RNF150: variants seen among roughly 807,000 people sequenced by gnomAD.
RNF150 encodes the protein ring finger protein 150.
RNF150 carries 24 observed loss-of-function variants against 39.3 expected under a neutral mutation model. That is an observed-to-expected ratio of 0.61 (90% CI 0.44 to 0.86). The LOEUF is 0.86. Ranked by LOEUF, RNF150 falls within the 40% of genes least tolerant of loss-of-function variation. RNF150 has a pLI of 0.00. For synonymous variants in RNF150, 255 were observed against 227.3 expected (o/e 1.12, Z -1.10); for missense variants, 502 against 587.8 (o/e 0.85, Z 1.51).
intron 1 of RNF150, among the ~76,000 whole-genome samples, chr4:141,019,373 T>C (rs973680929): frequency 1.1e-4 from 17 of 152,060 alleles, no homozygotes; most frequent in African/African-American, 3.6e-4. Flanking sequence ...TTTTTCCAGG[T>C]ATGAAAAAAT....
chr4:141,128,497 C>T (rs1292484857), intron 1 of RNF150, among the ~76,000 whole-genome samples: 1 of 152,140 alleles, frequency 6.6e-6, no homozygotes, highest in Admixed American at 6.5e-5. Flanking sequence ...TTAGGGTACA[C>T]CGAAAGAAGC....
In RNF150 at chr4:140,995,562, G is replaced by A. The variant is rs138124400; in HGVS notation, c.485-27689C>T. On this transcript the variant is annotated intron_variant, in intron 1 of 6. Coordinates refer to ENST00000515673, the MANE Select transcript of RNF150 (RefSeq NM_020724.2). ...AAACTGACATGGCACAATGGTGGAC[G>A]TGTCTTATGGAAAGCTGCTTCCGCC... is the stretch of plus-strand genomic sequence containing the variant. 8.4e-3 allele frequency among the ~76,000 whole-genome samples: 1,285 copies of A among 152,270 alleles called. 19 individuals are homozygous for A. The highest frequency in any genetic ancestry group is 0.027 in the African/African-American group (1,137 of 41,562).
intron 4 of RNF150, among the ~76,000 whole-genome samples, chr4:140,931,764 T>C (rs1108084): frequency 0.5 from 75,478 of 152,124 alleles, 20,557 homozygotes; most frequent in Non-Finnish European, 0.61. Context: ...ATTTTAAAAA[T>C]AGTTCTTCAA....
intron 6 of RNF150, among the ~76,000 whole-genome samples, chr4:140,881,866 G>A (rs1729386114): frequency 6.6e-6 from 1 of 150,740 alleles, no homozygotes; most frequent in Non-Finnish European, 1.5e-5. Flanking sequence ...GGGTGACAAA[G>A]CAAGACTCCA....
intron 1 of RNF150, among the ~76,000 whole-genome samples, chr4:141,155,435 G>T (rs1375592924): frequency 6.6e-6 from 1 of 152,036 alleles, no homozygotes; most frequent in Non-Finnish European, 1.5e-5. Flanking sequence ...CAGCCTGCAA[G>T]CCGGCCATCC....
intron 6 of RNF150, among the ~76,000 whole-genome samples, chr4:140,875,227 G>T (rs1729109986): frequency 6.7e-6 from 1 of 149,014 alleles, no homozygotes; most frequent in Non-Finnish European, 1.5e-5. Flanking sequence ...GGAGTGCAGT[G>T]GGGTGATCAT....
intron 6 of RNF150, among the ~76,000 whole-genome samples, chr4:140,905,215 C>T (rs1730330322): frequency 6.6e-6 from 1 of 152,020 alleles, no homozygotes; most frequent in African/African-American, 2.4e-5. Context: ...TACATATATG[C>T]ATATATATAC....
intron 1 of RNF150, among the ~76,000 whole-genome samples, chr4:141,012,198 T>C (rs1040824311): frequency 5.3e-5 from 8 of 152,336 alleles, no homozygotes; most frequent in Admixed American, 4.6e-4. Flanking sequence ...GGCAGCTGCT[T>C]CTCTTGGAGA....
At chr4:140,883,147 C>T (rs1560946817) in intron 6 of RNF150, among the ~76,000 whole-genome samples, 2 of 152,088 alleles carry the variant, frequency 1.3e-5, no homozygotes, top group Admixed American at 6.5e-5. Context: ...GATAATGCCA[C>T]ATATAAAAAC....
At chr4:141,020,156 C>T (rs1188067493) in intron 1 of RNF150, among the ~76,000 whole-genome samples, 1 of 151,650 alleles carries the variant, frequency 6.6e-6, no homozygotes, top group African/African-American at 2.4e-5. Flanking sequence ...AAAATACATA[C>T]ATTTTGTAAG....
chr4:141,132,290 C>G lies in RNF150; in HGVS notation c.484+35G>C. On this transcript the variant is annotated intron_variant, in intron 1 of 6. Coordinates refer to ENST00000515673, the MANE Select transcript of RNF150 (RefSeq NM_020724.2). The surrounding 1 kb of genome is among the most constrained non-coding windows in gnomAD (Gnocchi z 4.9). ...TCCCTCTAGGCACCTCCGTCCCCGC[C>G]GGCTCCCCTCCCCCGCGCCCGCTGG... The G allele has an allele frequency of 5.1e-6, 8 of 1,553,574 alleles. No homozygotes were observed. Among genetic ancestry groups the G allele is most frequent in the Non-Finnish European group, 7.0e-6 (8 of 1,148,008 alleles).
At chr4:141,165,363 C>G (rs923517720) in intron 1 of RNF150, among the ~76,000 whole-genome samples, 3 of 152,042 alleles carry the variant, frequency 2.0e-5, no homozygotes, top group Non-Finnish European at 2.9e-5. Flanking sequence ...ACTTTAACAC[C>G]CCACTGTCAA....
At position 140,867,867 on chromosome 4, in the gene RNF150, T is replaced by C. The variant is rs1232084673; in HGVS notation, c.*394A>G. 6.1e-6 allele frequency: 1 copy of C among 162,992 alleles called. No individual in the cohort carries two copies. Among genetic ancestry groups the C allele is most frequent in the African/African-American group, 2.4e-5 (1 of 41,886 alleles). 10.1% of individuals were successfully genotyped at this position (162,992 alleles called of 1,614,324 possible). ...GAATAGATGGAAAGTAAACTACAAA[T>C]AATCTTTAAAAAAATTGCCAAAGAA... On this transcript the variant is annotated 3_prime_UTR_variant, in exon 7 of 7. Transcript: ENST00000515673.
At chr4:140,979,100 G>A (rs1733768920) in intron 1 of RNF150, among the ~76,000 whole-genome samples, 1 of 152,056 alleles carries the variant, frequency 6.6e-6, no homozygotes, top group South Asian at 2.1e-4. Flanking sequence ...TTGGCCCTGA[G>A]GAACCTGTGT....
intron 6 of RNF150, among the ~76,000 whole-genome samples, chr4:140,886,063 C>T (rs1341459995): frequency 2.6e-5 from 4 of 151,794 alleles, no homozygotes; most frequent in Non-Finnish European, 4.4e-5. Flanking sequence ...TGGTGGCAGG[C>T]GCCTGTAGTC....
intron 1 of RNF150, among the ~76,000 whole-genome samples, chr4:141,186,121 TG>T (rs1284966190): frequency 6.6e-6 from 1 of 152,246 alleles, no homozygotes; most frequent in East Asian, 1.9e-4. Flanking sequence ...AGCTCCTCTT[TG>T]TACCTGTGGT....
chr4:140,930,901 G>A (rs1241392297), intron 4 of RNF150, among the ~76,000 whole-genome samples: 1 of 85,778 alleles, frequency 1.2e-5, no homozygotes, highest in Non-Finnish European at 2.5e-5. Context: ...GCGATTCACT[G>A]TTAACGACAA....
intron 1 of RNF150, among the ~76,000 whole-genome samples, chr4:141,001,957 C>T (rs940554266): frequency 1.3e-5 from 2 of 152,034 alleles, no homozygotes; most frequent in African/African-American, 4.8e-5. Context: ...AATTCACTCA[C>T]TTTTACTTTC....
intron 6 of RNF150, among the ~76,000 whole-genome samples, chr4:140,896,708 ACAAACAAACAAAC>A (rs1405452120): frequency 1.1e-4 from 10 of 89,750 alleles, no homozygotes; most frequent in East Asian, 6.3e-4. Context: ...AAACAAAAAA[ACAAACAAACAAAC>A]AAAAAAAAAT....
Sources: allele counts gnomAD v4.1 joint callset (sites outside exome capture counted in the v4.1 genomes callset), GRCh38; gene constraint gnomAD v4.1.1; non-coding constraint Gnocchi (gnomAD v3.1); transcripts MANE v1.5; gene names NCBI Gene and HGNC (gene_info 2026-07-23, HGNC 2026-07-21).